FRYL: variants seen among roughly 807,000 people sequenced by gnomAD.
FRYL encodes the protein protein furry homolog-like.
FRYL carries 150 observed loss-of-function variants against 351.2 expected under a neutral mutation model. The ratio of observed to expected loss-of-function variants is 0.43; its 90% confidence interval spans 0.37 to 0.49. The LOEUF (loss-of-function observed/expected upper bound fraction) is 0.49. FRYL is among the 20% of genes least tolerant of loss of function. The pLI is 0.00. For missense variants in FRYL, 3,036 were observed against 3,619.3 expected (o/e 0.84, Z 4.13); for synonymous variants, 1,153 against 1,257.1 (o/e 0.92, Z 1.75).
intron 1 of FRYL, among the ~76,000 whole-genome samples, chr4:48,759,891 T>C (rs1420356993): frequency 6.6e-6 from 1 of 152,206 alleles, no homozygotes; most frequent in East Asian, 1.9e-4. Flanking sequence ...TCATTCCTTC[T>C]GCCATGGAAC....
At chr4:48,653,920 C>T in intron 3 of FRYL, 2 of 1,235,132 alleles carry the variant, frequency 1.6e-6, no homozygotes, top group Non-Finnish European at 2.1e-6. Context: ...AGAGTTTTGG[C>T]CCACAGTGCC....
chr4:48,562,756 G>A lies in FRYL; in HGVS notation c.3696+133C>T, dbSNP rs1735809298. 5.1e-6 allele frequency: 3 copies of A among 591,308 alleles called. No homozygotes were observed. In the East Asian group the frequency reaches 8.9e-5, roughly 18 times the overall value. 36.6% of individuals were successfully genotyped at this position (591,308 alleles called of 1,614,324 possible). A position where few individuals can be genotyped will look rare whatever the true frequency, so the allele number is the denominator to read the frequency against. ...GTCTTATACTTCTAATAATAATTAG[G>A]CCTTGATACCATAACTTCTTTACTA... On this transcript the variant is annotated intron_variant, in intron 32 of 63. Transcript: ENST00000358350.
chr4:48,551,057 C>T (rs1732635126), intron 37 of FRYL, among the ~76,000 whole-genome samples: 2 of 150,746 alleles, frequency 1.3e-5, no homozygotes, highest in African/African-American at 4.9e-5. Context: ...CAGAGCGAGA[C>T]TCCATCTCAA....
chr4:48,592,083 T>TATATATATATATATATATATATAC (rs1743439272), intron 16 of FRYL, among the ~76,000 whole-genome samples: 1 of 6,044 alleles, frequency 1.7e-4, no homozygotes, highest in African/African-American at 2.5e-4. Flanking sequence ...ATAAAGCTCT[T>TATATATATATATATATATATATAC]ATATATATAT....
intron 34 of FRYL, 128 bp downstream of exon 34, chr4:48,557,325 T>A (rs1385130673): frequency 1.1e-5 from 14 of 1,299,086 alleles, no homozygotes; most frequent in Non-Finnish European, 1.5e-5. Flanking sequence ...TCATATCTAA[T>A]GAGTCTTTTT....
At chr4:48,547,827 A>G in intron 40 of FRYL, 58 bp from the exon 41 acceptor site, 1 of 1,129,218 alleles carries the variant, frequency 8.9e-7, no homozygotes, top group Non-Finnish European at 1.2e-6. Context: ...TATTCTTACT[A>G]CCAAACTCAC....
chr4:48,693,641 A>G (rs1765868216), intron 2 of FRYL, among the ~76,000 whole-genome samples: 1 of 152,166 alleles, frequency 6.6e-6, no homozygotes, highest in African/African-American at 2.4e-5. Context: ...AAAAAAGACC[A>G]AAAATACTTA....
rs572406091 is a variant in FRYL at position 48,512,370 on chromosome 4, T to A, written c.8145+111A>T. On this transcript the variant is annotated intron_variant, in intron 57 of 63. Coordinates refer to ENST00000358350, the MANE Select transcript of FRYL (RefSeq NM_015030.2). ...ATACCATTAGCTTAGAAAAAAAAAA[T>A]TTGTTAAAACTGGTAGGAATATTAA... is the stretch of plus-strand genomic sequence containing the variant. 1.3e-4 allele frequency: 104 copies of A among 814,896 alleles called. 1 individual carries two copies. Among genetic ancestry groups the A allele is most frequent in the African/African-American group, 1.1e-3 (62 of 57,598 alleles). 50.5% of individuals were successfully genotyped at this position (814,896 alleles called of 1,614,324 possible). A position where few individuals can be genotyped will look rare whatever the true frequency, so the allele number is the denominator to read the frequency against.
intron 33 of FRYL, among the ~76,000 whole-genome samples, chr4:48,559,730 A>AAC (rs1353288141): frequency 1.3e-5 from 2 of 150,596 alleles, no homozygotes; most frequent in Non-Finnish European, 3.0e-5. Context: ...CTGTCTCAAA[A>AAC]ATAAAAAACA....
intron 1 of FRYL, among the ~76,000 whole-genome samples, chr4:48,736,011 A>T (rs1266414293): frequency 2.7e-5 from 4 of 150,170 alleles, no homozygotes; most frequent in African/African-American, 9.8e-5. Flanking sequence ...AAAATACACA[A>T]TATCTGCTCT....
chr4:48,663,857 T>G (rs1578613207), intron 3 of FRYL, among the ~76,000 whole-genome samples: 5 of 151,162 alleles, frequency 3.3e-5, no homozygotes, highest in African/African-American at 1.2e-4. Flanking sequence ...GAAGTGTGTG[T>G]GTCCAAATGT....
chr4:48,567,492 T>G lies in FRYL; in HGVS notation c.2997-72A>C. On this transcript the variant is annotated intron_variant, in intron 27 of 63. Transcript: ENST00000358350. The surrounding 1 kb of genome is among the most constrained non-coding windows in gnomAD (Gnocchi z 4.2). Reference sequence around the variant, plus strand: ...GATTTAAATAAAAAATTCTTAATACTCAAAATCAGAATAATACATGTTAAT... The same window carrying G: ...GATTTAAATAAAAAATTCTTAATACGCAAAATCAGAATAATACATGTTAAT... The G allele has an allele frequency of 8.9e-7, 1 of 1,128,028 alleles. No homozygotes were observed. The highest frequency in any genetic ancestry group is 2.6e-5 in the East Asian group (1 of 37,924). The allele number at this position is 1,128,028 out of a possible 1,614,324, so 69.9% of individuals were successfully genotyped here. A position where few individuals can be genotyped will look rare whatever the true frequency, so the allele number is the denominator to read the frequency against.
In FRYL at chr4:48,540,385, T is replaced by C. The variant is rs755988025; in HGVS notation, c.6263A>G (p.Lys2088Arg). The change falls in exon 46 of 64, where the codon AAA becomes AGA. Residue 2088 changes from lysine (K) to arginine (R), a missense_variant. Lys to Arg is a conservative substitution (Grantham distance 26). Coordinates refer to ENST00000358350, the MANE Select transcript of FRYL (RefSeq NM_015030.2). ...TTGGGAAGGATCCACCAATGTATGT[T>C]TGGAGACAGAAATGAGTTTACTGAG... ...HLLSKLISVS[K>R]HTLVDPSQLS... The C allele has an allele frequency of 8.1e-6, 13 of 1,613,734 alleles. No individual in the cohort carries two copies. The highest frequency in any genetic ancestry group is 4.0e-5 in the African/African-American group (3 of 74,900).
chr4:48,541,749 G>C (rs1730206260), intron 45 of FRYL, among the ~76,000 whole-genome samples: 1 of 152,090 alleles, frequency 6.6e-6, no homozygotes, highest in African/African-American at 2.4e-5. Flanking sequence ...CAGACAGCTG[G>C]GGGAGAAACA....
chr4:48,676,630 A>G (rs1763739177), intron 3 of FRYL, among the ~76,000 whole-genome samples: 1 of 150,262 alleles, frequency 6.7e-6, no homozygotes, highest in South Asian at 2.1e-4. Flanking sequence ...TGACCTCGTG[A>G]TCCGCCCGCC....
Position 48,556,982 on chromosome 4 carries a change from G to A in FRYL, c.4262C>T (p.Pro1421Leu). Residue 1421 changes from proline (P) to leucine (L), a missense_variant, in exon 35 of 64, where the codon CCT becomes CTT. Transcript: ENST00000358350. Reference protein sequence around the residue: ...CGVNSEPSLLPYVKKVIVYLG... With the variant: ...CGVNSEPSLLLYVKKVIVYLG... ...TAAATGAACTTGAATACATACGTAA[G>A]GCAAGAGGCTTGGTTCGCTATTCAC... 14 of 1,581,840 alleles carry A rather than the reference G, an allele frequency of 8.9e-6. No homozygotes were observed. The highest frequency in any genetic ancestry group is 1.2e-5 in the Non-Finnish European group (14 of 1,160,354).
In FRYL at chr4:48,762,566, T is replaced by C. The variant is rs140100543; in HGVS notation, c.-384+17512A>G. Among the ~76,000 whole-genome samples the C allele has an allele frequency of 9.2e-3, 1,407 of 152,302 alleles. 15 individuals carry two copies. Among genetic ancestry groups the C allele is most frequent in the Middle Eastern group, 0.021 (6 of 292 alleles). ...GGCAGAAGCTTTGGTGTTGAGGTGA[T>C]TGGCAAATGTCTTTGATGTAACTTA... is the stretch of plus-strand genomic sequence containing the variant. On this transcript the variant is annotated intron_variant, in intron 1 of 63. Coordinates refer to ENST00000358350, the MANE Select transcript of FRYL (RefSeq NM_015030.2).
intron 3 of FRYL, among the ~76,000 whole-genome samples, chr4:48,659,358 CA>C (rs1205509733): frequency 7.9e-6 from 1 of 126,312 alleles, no homozygotes. Flanking sequence ...TGTCTCAAAA[CA>C]AAAAAAAAGA....
intron 52 of FRYL, 82 bp downstream of exon 52, chr4:48,527,889 A>T: frequency 8.3e-7 from 1 of 1,202,106 alleles, no homozygotes; most frequent in Admixed American, 2.4e-5. Context: ...TAAATTAGAA[A>T]AGGCAAGCAA....
Sources: allele counts gnomAD v4.1 joint callset (sites outside exome capture counted in the v4.1 genomes callset), GRCh38; gene constraint gnomAD v4.1.1; non-coding constraint Gnocchi (gnomAD v3.1); transcripts MANE v1.5; gene names NCBI Gene and HGNC (gene_info 2026-07-23, HGNC 2026-07-21).